CPLANE1: variants seen among roughly 807,000 people sequenced by gnomAD.
CPLANE1 encodes the protein ciliogenesis and planar polarity effector complex subunit 1.
CPLANE1 carries 263 observed loss-of-function variants against 362.5 expected under a neutral mutation model. The observed-to-expected ratio is 0.73, with a 90% CI of 0.66 to 0.80. CPLANE1 has a LOEUF of 0.80. Ranked by LOEUF, CPLANE1 falls within the 30% of genes least tolerant of loss-of-function variation. CPLANE1 has a pLI of 0.00. For synonymous variants in CPLANE1, 1,212 were observed against 1,302.6 expected (o/e 0.93, Z 1.50); for missense variants, 3,461 against 3,793.4 (o/e 0.91, Z 2.30).
At chr5:37,139,464 T>A (rs775583113) in intron 44 of CPLANE1, 94 bp from the exon 45 acceptor site, 6 of 1,095,546 alleles carry the variant, frequency 5.5e-6, no homozygotes, top group Non-Finnish European at 7.3e-6. Context: ...GAAATTAAAT[T>A]AAAATACTTT....
chr5:37,230,207 A>C (rs1797417504), intron 9 of CPLANE1, among the ~76,000 whole-genome samples: 1 of 151,598 alleles, frequency 6.6e-6, no homozygotes, highest in African/African-American at 2.4e-5. Context: ...ACTAAGAATG[A>C]AAATTTAAAA....
intron 16 of CPLANE1, chr5:37,210,963 AG>A: frequency 1.3e-6 from 1 of 781,126 alleles, no homozygotes; most frequent in Non-Finnish European, 2.4e-6. Context: ...TTCCATAAAG[AG>A]GTTAACTATT....
intron 32 of CPLANE1, 131 bp from the exon 33 acceptor site, chr5:37,170,462 G>T: frequency 3.0e-6 from 3 of 985,986 alleles, no homozygotes; most frequent in Non-Finnish European, 4.3e-6. Context: ...CATGAATGCT[G>T]AGCAGGAGGC....
At chr5:37,164,936 C>T (rs1777847664) in intron 36 of CPLANE1, among the ~76,000 whole-genome samples, 1 of 151,952 alleles carries the variant, frequency 6.6e-6, no homozygotes, top group Non-Finnish European at 1.5e-5. Context: ...AAGGTCCCAC[C>T]TCTCAAAAAA....
chr5:37,088,664 T>C, the CPLANE1 span, among the ~76,000 whole-genome samples: 1 of 152,170 alleles, frequency 6.6e-6, no homozygotes, highest in African/African-American at 2.4e-5. Context: ...TGCCAGCAGC[T>C]TTCCTCGATC....
the CPLANE1 span, among the ~76,000 whole-genome samples, chr5:37,083,462 T>C: frequency 3.9e-4 from 60 of 152,094 alleles, no homozygotes; most frequent in South Asian, 0.012. Flanking sequence ...AATTAAGAAG[T>C]TTAGTTATTG....
At chr5:37,224,881 G>T in intron 12 of CPLANE1, 141 bp from the exon 13 acceptor site, 1 of 466,634 alleles carries the variant, frequency 2.1e-6, no homozygotes, top group Non-Finnish European at 3.8e-6. Context: ...TAAATATAGT[G>T]CAAAATAAAA....
At chr5:37,136,490 C>T (rs1767748023) in intron 46 of CPLANE1, among the ~76,000 whole-genome samples, 1 of 152,220 alleles carries the variant, frequency 6.6e-6, no homozygotes, top group Non-Finnish European at 1.5e-5. Context: ...ATGGTGCAAG[C>T]TGTCGGTAAA....
At chr5:37,133,188 T>C (rs1374817196) in intron 46 of CPLANE1, among the ~76,000 whole-genome samples, 1 of 152,184 alleles carries the variant, frequency 6.6e-6, no homozygotes, top group Non-Finnish European at 1.5e-5. Context: ...CTTGTATAAT[T>C]TGAAGGCAGG....
chr5:37,211,252 A>G (rs1792516325), intron 16 of CPLANE1: 1 of 1,503,712 alleles, frequency 6.7e-7, no homozygotes, highest in East Asian at 2.3e-5. Flanking sequence ...TTTGTCGCCA[A>G]TACTAATGCA....
intron 6 of CPLANE1, among the ~76,000 whole-genome samples, chr5:37,240,617 G>A (rs1800172243): frequency 6.6e-6 from 1 of 152,148 alleles, no homozygotes; most frequent in African/African-American, 2.4e-5. Flanking sequence ...AGCCATTCAT[G>A]AGGGATCTGC....
chr5:37,158,216 A>T lies in CPLANE1; in HGVS notation c.7812+8T>A, dbSNP rs1425169410. 8 of 1,612,966 alleles carry T rather than the reference A, an allele frequency of 5.0e-6. No homozygotes were observed. In the African/African-American group the frequency reaches 9.3e-5, roughly 19 times the overall value. Reference sequence around the variant, plus strand: ...GGTATTATTAAAACTTCTGAATAAAACACAAACCAAGTTTGTTACTGTATG... The same window carrying T: ...GGTATTATTAAAACTTCTGAATAAATCACAAACCAAGTTTGTTACTGTATG... On this transcript the variant is annotated splice_region_variant and intron_variant, in intron 39 of 52. Coordinates refer to ENST00000651892, the MANE Select transcript of CPLANE1 (RefSeq NM_001384732.1).
At chr5:37,198,357 C>A (rs1211424222) in intron 20 of CPLANE1, among the ~76,000 whole-genome samples, 1 of 151,912 alleles carries the variant, frequency 6.6e-6, no homozygotes, top group African/African-American at 2.4e-5. Context: ...GAAGGCCCCA[C>A]AGAACACAGA....
chr5:37,106,802 T>C lies in CPLANE1; in HGVS notation c.*800A>G, dbSNP rs1000975674. On this transcript the variant is annotated 3_prime_UTR_variant, in exon 53 of 53. Coordinates refer to ENST00000651892, the MANE Select transcript of CPLANE1 (RefSeq NM_001384732.1). ...CAGATGATAGTGTGCTTTTATATTA[T>C]ACCAAACATTGATGAAGTAGTTGAA... 3.1e-6 allele frequency: 3 copies of C among 953,576 alleles called. No homozygotes were observed. The African/African-American group carries it at 5.3e-5, about 17-fold the overall frequency. The allele number at this position is 953,576 out of a possible 1,614,324, so 59.1% of individuals were successfully genotyped here.
chr5:37,209,478 C>T lies in CPLANE1; in HGVS notation c.2921-3053G>A. Reference sequence around the variant, plus strand: ...GGGTATACTGGAAACACTCAAGATACAACTTCGAAACCAGCTAATTCATGA... The same window carrying T: ...GGGTATACTGGAAACACTCAAGATATAACTTCGAAACCAGCTAATTCATGA... On this transcript the variant is annotated intron_variant, in intron 16 of 52. Coordinates refer to ENST00000651892, the MANE Select transcript of CPLANE1 (RefSeq NM_001384732.1). The surrounding 1 kb of genome is among the most constrained non-coding windows in gnomAD (Gnocchi z 4.6). 1 of 1,295,208 alleles carries T rather than the reference C, an allele frequency of 7.7e-7. No individual in the cohort carries two copies. Among genetic ancestry groups the T allele is most frequent in the South Asian group, 1.2e-5 (1 of 84,508 alleles). The allele number at this position is 1,295,208 out of a possible 1,614,324, so 80.2% of individuals were successfully genotyped here.
At position 37,198,820 on chromosome 5, in the gene CPLANE1, T is replaced by C; in HGVS notation, c.3554A>G (p.Gln1185Arg). 1 of 1,614,168 alleles carries C rather than the reference T, an allele frequency of 6.2e-7. No individual in the cohort carries two copies. Among genetic ancestry groups the C allele is most frequent in the Non-Finnish European group, 8.5e-7 (1 of 1,180,024 alleles). Reference sequence around the variant, plus strand: ...ACGCTGAAGGATTCCAGATACCTTCTGGCGATTATTTTTTTCAGCTTTTAA... The same window carrying C: ...ACGCTGAAGGATTCCAGATACCTTCCGGCGATTATTTTTTTCAGCTTTTAA... ...LLLKAEKNNR[Q>R]KVSGILQRVL... The change falls in exon 20 of 53, where the codon CAG becomes CGG. Residue 1185 changes from glutamine to arginine, a missense_variant. Gln to Arg is a conservative substitution (Grantham distance 43, BLOSUM62 1). Coordinates refer to ENST00000651892, the MANE Select transcript of CPLANE1 (RefSeq NM_001384732.1).
Position 37,209,432 on chromosome 5 carries a change from A to G in CPLANE1, c.2921-3007T>C. ...GTCAAAATGAACTGCGCAAAAAGCT[A>G]TACCAGACATTTAAGGATCGGGGTA... On this transcript the variant is annotated intron_variant, in intron 16 of 52. Coordinates refer to ENST00000651892, the MANE Select transcript of CPLANE1 (RefSeq NM_001384732.1). The surrounding 1 kb of genome is among the most constrained non-coding windows in gnomAD (Gnocchi z 4.6). 1 of 1,303,054 alleles carries G rather than the reference A, an allele frequency of 7.7e-7. No homozygotes were observed. Among genetic ancestry groups the G allele is most frequent in the Non-Finnish European group, 1.1e-6 (1 of 898,770 alleles). The allele number at this position is 1,303,054 out of a possible 1,614,324, so 80.7% of individuals were successfully genotyped here.
At chr5:37,134,640 C>G (rs1263612459) in intron 46 of CPLANE1, among the ~76,000 whole-genome samples, 2 of 151,900 alleles carry the variant, frequency 1.3e-5, no homozygotes, top group Admixed American at 1.3e-4. Flanking sequence ...CGATTTTGTT[C>G]ACTTCTGCTC....
the CPLANE1 span, among the ~76,000 whole-genome samples, chr5:37,089,675 G>A: frequency 2.2e-4 from 34 of 152,096 alleles, 1 homozygote; most frequent in African/African-American, 8.0e-4. Flanking sequence ...CCCCCACGGC[G>A]ATTCCTCAAG....
Sources: allele counts gnomAD v4.1 joint callset (sites outside exome capture counted in the v4.1 genomes callset), GRCh38; gene constraint gnomAD v4.1.1; non-coding constraint Gnocchi (gnomAD v3.1); transcripts MANE v1.5; gene names NCBI Gene and HGNC (gene_info 2026-07-23, HGNC 2026-07-21).